Variants in FNDC3B observed in about 807,000 individuals in gnomAD.
FNDC3B encodes the protein fibronectin type III domain containing 3B, also known as fibronectin type III domain-containing protein 3B.
In FNDC3B, 12 loss-of-function variants were observed where a neutral mutation model predicts 151.5. The ratio of observed to expected loss-of-function variants is 0.08; its 90% CI spans 0.05 to 0.13. The LOEUF is 0.13. Ranked by LOEUF, FNDC3B falls within the 10% of genes least tolerant of loss-of-function variation. The probability of loss-of-function intolerance (pLI) is 1.00; values close to 1 mark genes in which losing one functional copy is unlikely to be tolerated. For missense variants in FNDC3B, 1,214 were observed against 1,505.3 expected, an observed-to-expected ratio of 0.81 and a Z score of 3.20; for synonymous variants, 528 against 549.0, an observed-to-expected ratio of 0.96 and a Z score of 0.54.
rs1488299181 is a variant in FNDC3B, at chr3:172,112,462, G to T, written c.-18G>T. On this transcript the variant is annotated 5_prime_UTR_variant, in exon 2 of 26. Coordinates refer to ENST00000415807, the MANE Select transcript of FNDC3B (RefSeq NM_022763.4). Reference sequence around the variant, plus strand: ...GCGGTTCTCTTGCAGGAAGCCAGTTGAGGGAAGTTCTCCATGAATGTACGT... The same window carrying T: ...GCGGTTCTCTTGCAGGAAGCCAGTTTAGGGAAGTTCTCCATGAATGTACGT... The T allele has an allele frequency of 6.3e-7, 1 of 1,581,458 alleles. No individual in the cohort carries two copies. Among genetic ancestry groups the T allele is most frequent in the South Asian group, 1.1e-5 (1 of 90,394 alleles).
At chr3:172,385,704 A>T (rs760099415) in intron 25 of FNDC3B, among the ~76,000 whole-genome samples, 1 of 151,688 alleles carries the variant, frequency 6.6e-6, no homozygotes, top group African/African-American at 2.4e-5. Context: ...GACTACAGGC[A>T]CCCGCCACCA....
intron 1 of FNDC3B, among the ~76,000 whole-genome samples, chr3:172,057,903 C>T (rs1457765914): frequency 6.8e-6 from 1 of 147,484 alleles, no homozygotes; most frequent in African/African-American, 2.5e-5. Context: ...TTCTAATTTG[C>T]AGGGAGGAAA....
intron 3 of FNDC3B, among the ~76,000 whole-genome samples, chr3:172,180,515 C>T (rs1723836818): frequency 6.6e-6 from 1 of 152,150 alleles, no homozygotes; most frequent in South Asian, 2.1e-4. Context: ...TTTATTCACT[C>T]ATGAAACAAA....
At chr3:172,080,570 A>G (rs975578318) in intron 1 of FNDC3B, among the ~76,000 whole-genome samples, 3 of 152,062 alleles carry the variant, frequency 2.0e-5, no homozygotes, top group East Asian at 1.9e-4. Flanking sequence ...GAGGCACTGT[A>G]CTAGGCCTGA....
At chr3:172,298,193 C>T (rs1250695872) in intron 8 of FNDC3B, among the ~76,000 whole-genome samples, 2 of 152,196 alleles carry the variant, frequency 1.3e-5, no homozygotes, top group Non-Finnish European at 2.9e-5. Context: ...TGGTTGGTTA[C>T]TTCCTCATGA....
intron 23 of FNDC3B, among the ~76,000 whole-genome samples, chr3:172,368,484 C>A (rs912691172): frequency 6.6e-6 from 1 of 152,164 alleles, no homozygotes; most frequent in Admixed American, 6.5e-5. Flanking sequence ...AGTCCCCGAT[C>A]CATATAATCA....
chr3:172,194,563 G>A (rs1724731963), intron 3 of FNDC3B, among the ~76,000 whole-genome samples: 2 of 152,132 alleles, frequency 1.3e-5, no homozygotes, highest in African/African-American at 4.8e-5. Context: ...TGCTAAATGG[G>A]TTGGTGGAAA....
At chr3:172,203,188 C>T (rs142391503) in intron 3 of FNDC3B, among the ~76,000 whole-genome samples, 1 of 152,188 alleles carries the variant, frequency 6.6e-6, no homozygotes, top group Non-Finnish European at 1.5e-5. Context: ...AGGACATTGT[C>T]TCTCTCCCTG....
At chr3:172,271,454 G>T (rs998837616) in intron 6 of FNDC3B, among the ~76,000 whole-genome samples, 6 of 152,040 alleles carry the variant, frequency 3.9e-5, no homozygotes, top group Non-Finnish European at 7.4e-5. Flanking sequence ...TGAAAAAATG[G>T]TATCATAACT....
intron 1 of FNDC3B, among the ~76,000 whole-genome samples, chr3:172,042,745 G>C (rs12638681): frequency 0.18 from 27,865 of 151,950 alleles, 2,760 homozygotes; most frequent in East Asian, 0.32. Context: ...AAATGGTTCT[G>C]TCTGTGCTGT....
chr3:172,247,469 A>C, intron 4 of FNDC3B, 64 bp from the exon 5 acceptor site: 1 of 1,512,404 alleles, frequency 6.6e-7, no homozygotes, highest in Non-Finnish European at 9.0e-7. Flanking sequence ...GAAGTTATTA[A>C]TACTATATAT....
chr3:172,063,480 A>G (rs1459182893), intron 1 of FNDC3B, among the ~76,000 whole-genome samples: 2 of 152,214 alleles, frequency 1.3e-5, no homozygotes, highest in African/African-American at 4.8e-5. Flanking sequence ...GACTGAGGAC[A>G]GTGTCCTCCT....
At chr3:172,055,392 A>C (rs1716863395) in intron 1 of FNDC3B, among the ~76,000 whole-genome samples, 2 of 152,186 alleles carry the variant, frequency 1.3e-5, no homozygotes, top group African/African-American at 4.8e-5. Context: ...TGGCAATCTC[A>C]ATAATTAGAA....
At chr3:172,296,455 C>T (rs1274761878) in intron 8 of FNDC3B, among the ~76,000 whole-genome samples, 1 of 152,184 alleles carries the variant, frequency 6.6e-6, no homozygotes, top group African/African-American at 2.4e-5. Flanking sequence ...TCTTGCTACC[C>T]AGGCTACCTC....
intron 3 of FNDC3B, among the ~76,000 whole-genome samples, chr3:172,137,946 G>A (rs1721453933): frequency 6.6e-6 from 1 of 152,148 alleles, no homozygotes; most frequent in Non-Finnish European, 1.5e-5. Context: ...TATGAATTTT[G>A]CCTTTGCTTC....
At chr3:172,181,519 G>A (rs73167240) in intron 3 of FNDC3B, among the ~76,000 whole-genome samples, 22,237 of 151,066 alleles carry the variant, frequency 0.15, 1,720 homozygotes, top group Admixed American at 0.2. Flanking sequence ...AAACTAAGGA[G>A]GAGGGAAGTA....
intron 22 of FNDC3B, among the ~76,000 whole-genome samples, chr3:172,357,360 TAAAC>T (rs750616719): frequency 1.7e-3 from 261 of 152,340 alleles, no homozygotes; most frequent in Non-Finnish European, 2.9e-3. Flanking sequence ...TAATGCAAAT[TAAAC>T]AAAACAAAGA....
Position 172,285,972 on chromosome 3 carries a change from AGAG to A in FNDC3B, c.838_840del (p.Glu280del). 3.1e-6 allele frequency: 5 copies of A among 1,611,438 alleles called. No individual in the cohort carries two copies. Among genetic ancestry groups the A allele is most frequent in the Non-Finnish European group, 4.2e-6 (5 of 1,178,060 alleles). On this transcript the variant is annotated inframe_deletion, in exon 7 of 26. Coordinates refer to ENST00000415807, the MANE Select transcript of FNDC3B (RefSeq NM_022763.4). ...GGGTGCAAGACATTCTTTCGGGAAT[AGAG>A]AAACCACAGGTATGTCTTCTGGATT...
At chr3:172,199,431 G>A (rs1046656845) in intron 3 of FNDC3B, among the ~76,000 whole-genome samples, 4 of 148,322 alleles carry the variant, frequency 2.7e-5, no homozygotes, top group Admixed American at 1.3e-4. Flanking sequence ...CGCCCGCCTC[G>A]GCCTCCCAAA....
Sources: gnomAD v4.1 joint callset for allele counts (sites outside exome capture counted in the v4.1 genomes callset) on GRCh38, gnomAD v4.1.1 for gene constraint, MANE v1.5 for transcripts, NCBI Gene and HGNC (gene_info 2026-07-23, HGNC 2026-07-21) for gene names.